Variants in ARPP21 observed in about 807,000 individuals in gnomAD.
ARPP21 encodes cAMP-regulated phosphoprotein 21.
ARPP21 carries 69 observed loss-of-function variants against 113.2 expected under a neutral mutation model. The observed-to-expected ratio is 0.61, with a 90% CI of 0.50 to 0.74. ARPP21 has a LOEUF of 0.74. Among genes scored for constraint, ARPP21 ranks in the 30% least tolerant of loss-of-function variants. The pLI is 0.00. For missense variants in ARPP21, 1,070 were observed against 1,037.4 expected, an observed-to-expected ratio of 1.03 and a Z score of -0.43; for synonymous variants, 368 against 375.5, an observed-to-expected ratio of 0.98 and a Z score of 0.23.
intron 1 of ARPP21, among the ~76,000 whole-genome samples, chr3:35,657,981 A>G (rs932815487): frequency 1.3e-5 from 2 of 152,246 alleles, no homozygotes; most frequent in African/African-American, 2.4e-5. Flanking sequence ...GCACTTTTGT[A>G]TGTTAGTGGG....
At chr3:35,791,870 G>A (rs2096754678) in intron 19 of ARPP21, among the ~76,000 whole-genome samples, 1 of 152,114 alleles carries the variant, frequency 6.6e-6, no homozygotes, top group Non-Finnish European at 1.5e-5. Context: ...CAAGTCATTT[G>A]GTTCACTAGG....
intron 13 of ARPP21, among the ~76,000 whole-genome samples, chr3:35,717,998 G>A (rs567895349): frequency 6.6e-6 from 1 of 152,064 alleles, no homozygotes; most frequent in Non-Finnish European, 1.5e-5. Flanking sequence ...AGAGAAAAGT[G>A]TACACAGTAC....
At position 35,729,462 on chromosome 3, in the gene ARPP21, C is replaced by G. The variant is rs1174169822; in HGVS notation, c.1385C>G (p.Thr462Ser). 3.7e-6 allele frequency: 6 copies of G among 1,614,088 alleles called. No homozygotes were observed. The highest frequency in any genetic ancestry group is 5.1e-6 in the Non-Finnish European group (6 of 1,180,056). The change falls in exon 15 of 21, where the codon ACC becomes AGC. Residue 462 changes from threonine to serine, a missense_variant. Physicochemically the swap from Thr to Ser is moderately conservative, Grantham distance 58. Coordinates refer to ENST00000684406, the MANE Select transcript of ARPP21 (RefSeq NM_001385562.1). ...GGGGGCCAGGTTGCTCCCAGCAGCA[C>G]CAGCTACATCCTCCTTCCACTTGAA... ...GIGGQVAPSS[T>S]SYILLPLEAA...
intron 18 of ARPP21, among the ~76,000 whole-genome samples, chr3:35,743,073 G>A (rs750273675): frequency 3.7e-4 from 56 of 152,234 alleles, no homozygotes; most frequent in Non-Finnish European, 5.4e-4. Context: ...CTTTTAGATT[G>A]AACATACTTT....
At chr3:35,739,660 A>G in intron 18 of ARPP21, 83 bp downstream of exon 18, 1 of 1,475,684 alleles carries the variant, frequency 6.8e-7, no homozygotes, top group Non-Finnish European at 9.1e-7. Context: ...GAAAATAACC[A>G]GATTCACTCC....
chr3:35,752,193 G>C (rs1318514287), intron 19 of ARPP21, among the ~76,000 whole-genome samples: 1 of 151,908 alleles, frequency 6.6e-6, no homozygotes, highest in Non-Finnish European at 1.5e-5. Flanking sequence ...AACCAGGTCA[G>C]GGAATGTATA....
At chr3:35,644,782 C>T (rs2148880530) in intron 1 of ARPP21, among the ~76,000 whole-genome samples, 1 of 151,904 alleles carries the variant, frequency 6.6e-6, no homozygotes, top group South Asian at 2.1e-4. Context: ...CAGTATAGAT[C>T]CTGGAATTGC....
intron 11 of ARPP21, among the ~76,000 whole-genome samples, chr3:35,712,104 G>A (rs904423660): frequency 5.9e-5 from 9 of 152,152 alleles, no homozygotes; most frequent in African/African-American, 2.2e-4. Flanking sequence ...AGTACTTCCA[G>A]ATCCCCAAAT....
chr3:35,725,597 A>G (rs918781592), intron 14 of ARPP21, among the ~76,000 whole-genome samples: 7 of 152,148 alleles, frequency 4.6e-5, no homozygotes, highest in Non-Finnish European at 7.4e-5. Flanking sequence ...CCTCCCTGGG[A>G]ATGTTCCCTC....
intron 6 of ARPP21, among the ~76,000 whole-genome samples, chr3:35,688,915 A>C (rs191687534): frequency 1.8e-3 from 277 of 151,404 alleles, no homozygotes; most frequent in African/African-American, 6.5e-3. Flanking sequence ...TTTAAGAGAA[A>C]AAGGGTTCCA....
intron 1 of ARPP21, among the ~76,000 whole-genome samples, chr3:35,677,505 G>T (rs902916232): frequency 4.0e-5 from 6 of 151,864 alleles, no homozygotes; most frequent in African/African-American, 1.4e-4. Flanking sequence ...TTTCTTCATG[G>T]TAAATAGTTT....
At chr3:35,649,301 A>G (rs1489303728) in intron 1 of ARPP21, among the ~76,000 whole-genome samples, 1 of 152,196 alleles carries the variant, frequency 6.6e-6, no homozygotes, top group Non-Finnish European at 1.5e-5. Flanking sequence ...TGCACTAGCT[A>G]TTATTTTGGT....
rs367916491 is a variant in ARPP21, at chr3:35,667,161, T to C, written c.-212-12626T>C. 4.6e-5 allele frequency among the ~76,000 whole-genome samples: 7 copies of C among 152,202 alleles called. No homozygotes were observed. In the East Asian group the frequency reaches 5.8e-4, roughly 13 times the overall value. ...GCTAGTCCTATTATCCTACATTCTTTAATCAAAATACTGTCAGGCACAGAG... is the reference window on the plus strand; with the variant it reads ...GCTAGTCCTATTATCCTACATTCTTCAATCAAAATACTGTCAGGCACAGAG... On this transcript the variant is annotated intron_variant, in intron 1 of 20. Coordinates refer to ENST00000684406, the MANE Select transcript of ARPP21 (RefSeq NM_001385562.1).
At chr3:35,790,371 A>T (rs1435338989) in intron 19 of ARPP21, among the ~76,000 whole-genome samples, 1 of 152,234 alleles carries the variant, frequency 6.6e-6, no homozygotes, top group South Asian at 2.1e-4. Context: ...ATAATAATTC[A>T]TGCTACAAAG....
Position 35,794,023 on chromosome 3 carries a change from T to TG in ARPP21, c.*68dup. On this transcript the variant is annotated 3_prime_UTR_variant, in exon 21 of 21. Transcript: ENST00000684406. ...GGCCTTTGATGGAAGAGGAACAAGG[T>TG]GGGAAAACTGGCTGAGGACTTAAGT... is the stretch of plus-strand genomic sequence containing the variant. 1.4e-6 allele frequency: 2 copies of TG among 1,446,500 alleles called. No homozygotes were observed. The highest frequency in any genetic ancestry group is 4.9e-5 in the East Asian group (2 of 40,646). The allele number at this position is 1,446,500 out of a possible 1,614,324, so 89.6% of individuals were successfully genotyped here.
intron 19 of ARPP21, among the ~76,000 whole-genome samples, chr3:35,746,799 A>C (rs1421766398): frequency 6.6e-6 from 1 of 152,194 alleles, no homozygotes. Flanking sequence ...CTTCTCCTAC[A>C]TTCTTGCCAG....
chr3:35,749,226 C>T (rs1234759276), intron 19 of ARPP21, among the ~76,000 whole-genome samples: 1 of 152,010 alleles, frequency 6.6e-6, no homozygotes, highest in Non-Finnish European at 1.5e-5. Flanking sequence ...GGTTCCATAT[C>T]ACTTTGTAGA....
chr3:35,732,720 G>A (rs2150557346), intron 15 of ARPP21, among the ~76,000 whole-genome samples: 1 of 152,300 alleles, frequency 6.6e-6, no homozygotes, highest in South Asian at 2.1e-4. Flanking sequence ...TCTGGTGCAA[G>A]TTCAAGACTG....
chr3:35,774,912 C>G (rs1282209476), intron 19 of ARPP21: 1 of 152,084 alleles, frequency 6.6e-6, no homozygotes, highest in African/African-American at 2.4e-5. Flanking sequence ...AATAATTTTT[C>G]TTAGTAGTGC....
Sources: allele counts gnomAD v4.1 joint callset (sites outside exome capture counted in the v4.1 genomes callset), GRCh38; gene constraint gnomAD v4.1.1; transcripts MANE v1.5; gene names NCBI Gene and HGNC (gene_info 2026-07-23, HGNC 2026-07-21).